Variants in CDKAL1 observed in about 807,000 individuals in gnomAD.
CDKAL1 encodes the protein threonylcarbamoyladenosine tRNA methylthiotransferase.
A neutral mutation model predicts 68.2 loss-of-function variants in CDKAL1; 32 were observed. The ratio of observed to expected loss-of-function variants is 0.47; its 90% CI spans 0.35 to 0.63. The LOEUF is 0.63. CDKAL1 is among the 30% of genes least tolerant of loss of function. The pLI is 0.00. For missense variants in CDKAL1, 606 were observed against 696.7 expected (o/e 0.87, Z 1.47); for synonymous variants, 234 against 244.3 (o/e 0.96, Z 0.39).
intron 8 of CDKAL1, among the ~76,000 whole-genome samples, chr6:20,788,407 T>G (rs138970681): frequency 4.1e-4 from 62 of 152,366 alleles, no homozygotes; most frequent in African/African-American, 1.4e-3. Context: ...CTGTGGTTAT[T>G]ATTCATGTTC....
At chr6:20,935,795 C>A (rs1355905967) in intron 9 of CDKAL1, among the ~76,000 whole-genome samples, 2 of 152,128 alleles carry the variant, frequency 1.3e-5, no homozygotes, top group Non-Finnish European at 2.9e-5. Context: ...GTCTACAACT[C>A]CTGCGCTCAA....
At chr6:20,714,183 T>C (rs1771976050) in intron 5 of CDKAL1, among the ~76,000 whole-genome samples, 4 of 151,836 alleles carry the variant, frequency 2.6e-5, no homozygotes, top group Admixed American at 2.6e-4. Flanking sequence ...AAAAACAAAG[T>C]ACTATGATAC....
intron 5 of CDKAL1, among the ~76,000 whole-genome samples, chr6:20,706,971 G>A (rs1395434023): frequency 6.6e-6 from 1 of 151,850 alleles, no homozygotes; most frequent in African/African-American, 2.4e-5. Context: ...GGTGGGTGGG[G>A]TTTGGTGATT....
At chr6:21,015,540 A>C (rs1476405410) in intron 11 of CDKAL1, among the ~76,000 whole-genome samples, 2 of 152,004 alleles carry the variant, frequency 1.3e-5, no homozygotes, top group Non-Finnish European at 2.9e-5. Context: ...TCTTGAAAAA[A>C]ATTATTTCGT....
At chr6:21,154,210 C>T (rs768028741) in intron 13 of CDKAL1, among the ~76,000 whole-genome samples, 3 of 152,168 alleles carry the variant, frequency 2.0e-5, no homozygotes, top group Non-Finnish European at 4.4e-5. Context: ...ACACATCATC[C>T]ATACTCATGG....
At chr6:20,830,579 A>G (rs1007310711) in intron 8 of CDKAL1, among the ~76,000 whole-genome samples, 2 of 152,206 alleles carry the variant, frequency 1.3e-5, no homozygotes, top group African/African-American at 2.4e-5. Flanking sequence ...ACCACAGTAA[A>G]TAAAGTTATC....
At chr6:20,812,443 G>A (rs56192191) in intron 8 of CDKAL1, among the ~76,000 whole-genome samples, 126 of 152,264 alleles carry the variant, frequency 8.3e-4, no homozygotes, top group Non-Finnish European at 1.4e-3. Flanking sequence ...TGAAGAGTCC[G>A]ACTTACGTAT....
intron 12 of CDKAL1, among the ~76,000 whole-genome samples, chr6:21,093,744 G>A (rs949219134): frequency 5.7e-5 from 7 of 123,518 alleles, no homozygotes; most frequent in Non-Finnish European, 1.1e-4. Context: ...TGGAGACAGG[G>A]CCTCTCTGTC....
intron 5 of CDKAL1, among the ~76,000 whole-genome samples, chr6:20,732,378 C>T (rs908402257): frequency 4.7e-5 from 7 of 147,784 alleles, no homozygotes; most frequent in East Asian, 4.0e-4. Context: ...GGGGTTCAAG[C>T]GATTCTCCTG....
intron 13 of CDKAL1, among the ~76,000 whole-genome samples, chr6:21,162,708 G>A (rs143466496): frequency 3.0e-4 from 45 of 152,104 alleles, no homozygotes; most frequent in Admixed American, 2.7e-3. Context: ...GAGAATCGCT[G>A]GAGCCCAGGG....
chr6:20,764,937 T>A (rs1208945987), intron 7 of CDKAL1, among the ~76,000 whole-genome samples: 1 of 152,180 alleles, frequency 6.6e-6, no homozygotes, highest in African/African-American at 2.4e-5. Flanking sequence ...CCTTACATGT[T>A]AGGAATACTT....
intron 10 of CDKAL1, among the ~76,000 whole-genome samples, chr6:20,959,309 A>G (rs966604273): frequency 6.6e-6 from 1 of 151,886 alleles, no homozygotes; most frequent in Non-Finnish European, 1.5e-5. Flanking sequence ...ATATATTGTG[A>G]AAAAAACACT....
chr6:20,917,550 A>G (rs1325500270), intron 9 of CDKAL1, among the ~76,000 whole-genome samples: 2 of 152,048 alleles, frequency 1.3e-5, no homozygotes, highest in Admixed American at 6.5e-5. Context: ...TGGGGAACAG[A>G]TGGTATTTGG....
rs148339813 is a variant in CDKAL1 at position 20,929,452 on chromosome 6, G to A, written c.743-25967G>A. On this transcript the variant is annotated intron_variant, in intron 9 of 15. Coordinates refer to ENST00000274695, the MANE Select transcript of CDKAL1 (RefSeq NM_017774.3). ...AGGCAGTGGTAGAAAAAGTAAGGTA[G>A]AAAAAAGCAGTAAGACAGGGATGTT... 8.7e-4 allele frequency among the ~76,000 whole-genome samples: 133 copies of A among 152,264 alleles called. 1 individual carries two copies. Among genetic ancestry groups the A allele is most frequent in the African/African-American group, 3.0e-3 (125 of 41,548 alleles).
At chr6:20,912,187 C>G (rs1262473199) in intron 9 of CDKAL1, among the ~76,000 whole-genome samples, 1 of 152,052 alleles carries the variant, frequency 6.6e-6, no homozygotes, top group Non-Finnish European at 1.5e-5. Context: ...CTTTCAAATT[C>G]GTAAAAATTT....
chr6:21,185,365 G>C (rs1777967752), intron 13 of CDKAL1, among the ~76,000 whole-genome samples: 1 of 152,070 alleles, frequency 6.6e-6, no homozygotes, highest in Non-Finnish European at 1.5e-5. Context: ...TTCCACCTAA[G>C]TAGATTGATA....
intron 4 of CDKAL1, among the ~76,000 whole-genome samples, chr6:20,638,747 G>A (rs6921014): frequency 0.77 from 107,079 of 139,690 alleles, 38,287 homozygotes; most frequent in African/African-American, 0.82. Context: ...GATTACAAAC[G>A]CGCGCCACCA....
At chr6:21,048,027 C>G (rs138850819) in intron 11 of CDKAL1, among the ~76,000 whole-genome samples, 105 of 152,222 alleles carry the variant, frequency 6.9e-4, no homozygotes, top group African/African-American at 2.5e-3. Flanking sequence ...ATTGTATGTA[C>G]CCACTGGCCC....
intron 5 of CDKAL1, among the ~76,000 whole-genome samples, chr6:20,734,659 T>C (rs1773103042): frequency 6.6e-6 from 1 of 152,198 alleles, no homozygotes; most frequent in African/African-American, 2.4e-5. Context: ...CCATGACAGC[T>C]ATGATTTCGG....
Sources: gnomAD v4.1 joint callset for allele counts (sites outside exome capture counted in the v4.1 genomes callset) on GRCh38, gnomAD v4.1.1 for gene constraint, MANE v1.5 for transcripts, NCBI Gene and HGNC (gene_info 2026-07-23, HGNC 2026-07-21) for gene names.